Variants in TMEM117 observed in about 807,000 individuals in gnomAD.
TMEM117 encodes the protein transmembrane protein 117.
TMEM117 carries 27 observed loss-of-function variants against 52.4 expected under a neutral mutation model. That is an observed-to-expected ratio of 0.51 (90% CI 0.38 to 0.71). TMEM117 has a LOEUF of 0.71. Ranked by LOEUF, TMEM117 falls within the 30% of genes least tolerant of loss-of-function variation. TMEM117 has a pLI of 0.00. For synonymous variants in TMEM117, 215 were observed against 206.3 expected (o/e 1.04, Z -0.36); for missense variants, 556 against 630.5 (o/e 0.88, Z 1.26).
intron 5 of TMEM117, among the ~76,000 whole-genome samples, chr12:44,241,637 T>C (rs1950063594): frequency 6.6e-6 from 1 of 151,960 alleles, no homozygotes; most frequent in African/African-American, 2.4e-5. Context: ...TTTGTGCCTT[T>C]ATTTTTGTGT....
At chr12:44,173,429 A>G (rs1405674833) in intron 4 of TMEM117, among the ~76,000 whole-genome samples, 1 of 152,088 alleles carries the variant, frequency 6.6e-6, no homozygotes, top group African/African-American at 2.4e-5. Context: ...CTGAGGATAT[A>G]AAGTAAAATT....
intron 2 of TMEM117, among the ~76,000 whole-genome samples, chr12:43,850,833 C>A (rs12229940): frequency 0.022 from 3,393 of 151,892 alleles, 79 homozygotes; most frequent in East Asian, 0.067. Flanking sequence ...ACATATTTAA[C>A]AATTTGTACA....
At chr12:44,250,752 A>T (rs1042912258) in intron 5 of TMEM117, among the ~76,000 whole-genome samples, 2 of 152,088 alleles carry the variant, frequency 1.3e-5, no homozygotes, top group Non-Finnish European at 2.9e-5. Context: ...AAAACCAAAC[A>T]CTGCATGTTC....
At chr12:44,374,042 A>G (rs1951903760) in intron 6 of TMEM117, among the ~76,000 whole-genome samples, 1 of 152,012 alleles carries the variant, frequency 6.6e-6, no homozygotes, top group Admixed American at 6.6e-5. Flanking sequence ...TCTGTCTCCC[A>G]AAGTGCTGGG....
In TMEM117 at chr12:44,307,742, C is replaced by A. The variant is rs115448984; in HGVS notation, c.768+8003C>A. ...CTCCAAATAGTAGACAGACTTAACA[C>A]GGTGAGTTTGTCCATACAGAAGGAA... is the stretch of plus-strand genomic sequence containing the variant. On this transcript the variant is annotated intron_variant, in intron 6 of 7. Coordinates refer to ENST00000266534, the MANE Select transcript of TMEM117 (RefSeq NM_032256.3). Among the ~76,000 whole-genome samples, 3 of 152,172 alleles carry A rather than the reference C, an allele frequency of 2.0e-5. No individual in the cohort carries two copies. The South Asian group carries it at 6.2e-4, about 32-fold the overall frequency.
At chr12:44,155,850 C>G (rs923191185) in intron 4 of TMEM117, among the ~76,000 whole-genome samples, 1 of 152,080 alleles carries the variant, frequency 6.6e-6, no homozygotes, top group Non-Finnish European at 1.5e-5. Context: ...GCACATTAAT[C>G]TGGAAACTGA....
intron 2 of TMEM117, among the ~76,000 whole-genome samples, chr12:43,852,512 A>G (rs1356524265): frequency 5.3e-5 from 8 of 152,166 alleles, no homozygotes; most frequent in Admixed American, 6.5e-5. Flanking sequence ...TGAGGCAGCA[A>G]AATCACTTGA....
chr12:44,163,410 T>C lies in TMEM117; in HGVS notation c.510+19786T>C, dbSNP rs374201932. Among the ~76,000 whole-genome samples, 13 of 152,220 alleles carry C rather than the reference T, an allele frequency of 8.5e-5. 1 individual carries two copies. Among genetic ancestry groups the C allele is most frequent in the Admixed American group, 7.2e-4 (11 of 15,276 alleles). ...AAGTTCAACATTTATTTAGTAATAA[T>C]ATAAATTTTCTATCTTTAGCTAAGT... On this transcript the variant is annotated intron_variant, in intron 4 of 7. Transcript: ENST00000266534.
intron 2 of TMEM117, among the ~76,000 whole-genome samples, chr12:43,892,654 C>G (rs1005576753): frequency 6.6e-6 from 1 of 152,258 alleles, no homozygotes. Flanking sequence ...TTCCTTCTTT[C>G]CTTCTGGAAA....
intron 3 of TMEM117, among the ~76,000 whole-genome samples, chr12:44,103,147 A>T (rs1947891875): frequency 6.6e-6 from 1 of 151,810 alleles, no homozygotes. Context: ...TTAAGGAGAG[A>T]GGCATTTTTA....
chr12:44,259,990 G>GAACA (rs1381604675), intron 5 of TMEM117, among the ~76,000 whole-genome samples: 1 of 152,120 alleles, frequency 6.6e-6, no homozygotes, highest in Non-Finnish European at 1.5e-5. Flanking sequence ...AGAACATTTA[G>GAACA]AACACCATGT....
intron 6 of TMEM117, among the ~76,000 whole-genome samples, chr12:44,302,875 G>A (rs1483629877): frequency 6.6e-6 from 1 of 152,134 alleles, no homozygotes; most frequent in Non-Finnish European, 1.5e-5. Context: ...ACTAAACTGT[G>A]TTCTAATTCA....
intron 3 of TMEM117, among the ~76,000 whole-genome samples, chr12:44,000,854 A>G (rs971863131): frequency 4.6e-5 from 7 of 152,190 alleles, no homozygotes; most frequent in African/African-American, 1.7e-4. Context: ...TGGAGGAGAC[A>G]CAGCACTAGA....
At chr12:44,224,532 C>T (rs58450697) in intron 5 of TMEM117, among the ~76,000 whole-genome samples, 15,733 of 151,104 alleles carry the variant, frequency 0.1, 899 homozygotes, top group Middle Eastern at 0.2. Context: ...CCTCCTTCTC[C>T]TCCTTCTCTT....
chr12:44,298,763 T>C (rs1018159764), intron 5 of TMEM117, among the ~76,000 whole-genome samples: 5 of 150,824 alleles, frequency 3.3e-5, no homozygotes, highest in Non-Finnish European at 7.3e-5. Flanking sequence ...CCACAAGCCA[T>C]GGATGATATA....
At chr12:44,203,440 T>C (rs918853350) in intron 4 of TMEM117, among the ~76,000 whole-genome samples, 7 of 152,176 alleles carry the variant, frequency 4.6e-5, no homozygotes, top group Admixed American at 3.9e-4. Flanking sequence ...TGGATTTTCG[T>C]GTCTCAAATT....
chr12:43,798,470 A>G, the TMEM117 span: 1 of 1,248,076 alleles, frequency 8.0e-7, no homozygotes, highest in Non-Finnish European at 1.1e-6. Flanking sequence ...CAGAAAGTCC[A>G]ATAGAAATTT....
intron 3 of TMEM117, chr12:44,009,321 C>A: frequency 4.1e-6 from 1 of 242,374 alleles, no homozygotes; most frequent in South Asian, 5.4e-5. Context: ...TTAGCTTTAA[C>A]CCTAGAGAGA....
intron 4 of TMEM117, among the ~76,000 whole-genome samples, chr12:44,167,395 G>T (rs928097900): frequency 2.6e-5 from 4 of 152,140 alleles, no homozygotes; most frequent in Non-Finnish European, 5.9e-5. Flanking sequence ...TAGGCTGGGC[G>T]CGGTGGGTCA....
Sources: gnomAD v4.1 joint callset for allele counts (sites outside exome capture counted in the v4.1 genomes callset) on GRCh38, gnomAD v4.1.1 for gene constraint, MANE v1.5 for transcripts, NCBI Gene and HGNC (gene_info 2026-07-23, HGNC 2026-07-21) for gene names.